ZNF507: variants seen among roughly 807,000 people sequenced by gnomAD.
The protein encoded by ZNF507 is zinc finger protein 507.
ZNF507 carries 29 observed loss-of-function variants against 80.0 expected under a neutral mutation model. That is an observed-to-expected ratio of 0.36 (90% CI 0.27 to 0.49). The LOEUF (loss-of-function observed/expected upper bound fraction) is 0.49. Among genes scored for constraint, ZNF507 ranks in the 20% least tolerant of loss-of-function variants. The pLI, the probability that ZNF507 is intolerant of heterozygous loss-of-function variation, is 0.98. For synonymous variants in ZNF507, 462 were observed against 422.5 expected, an observed-to-expected ratio of 1.09 and a Z score of -1.15; for missense variants, 1,081 against 1,152.2, an observed-to-expected ratio of 0.94 and a Z score of 0.90.
chr19:32,366,768 A>G (rs1001322840), intron 5 of ZNF507, among the ~76,000 whole-genome samples: 2 of 152,248 alleles, frequency 1.3e-5, no homozygotes, highest in African/African-American at 4.8e-5. Flanking sequence ...ATGTATATGT[A>G]TTCAGCTTTG....
chr19:32,366,468 C>T (rs963639885), intron 5 of ZNF507, among the ~76,000 whole-genome samples: 2 of 151,854 alleles, frequency 1.3e-5, no homozygotes, highest in Non-Finnish European at 2.9e-5. Flanking sequence ...TCATACAGTA[C>T]ATATTCTACT....
intron 5 of ZNF507, among the ~76,000 whole-genome samples, chr19:32,364,835 C>T (rs899595565): frequency 2.0e-5 from 3 of 152,080 alleles, no homozygotes; most frequent in Non-Finnish European, 4.4e-5. Context: ...GACTTCTTTT[C>T]CTGGGATTGC....
intron 4 of ZNF507, chr19:32,357,872 A>C (rs902330887): frequency 2.6e-5 from 4 of 152,356 alleles, no homozygotes; most frequent in Middle Eastern, 3.4e-3. Flanking sequence ...CACCACCTGC[A>C]GTTAATATCA....
intron 5 of ZNF507, among the ~76,000 whole-genome samples, chr19:32,365,563 T>C (rs1967387412): frequency 6.6e-6 from 1 of 152,170 alleles, no homozygotes; most frequent in Non-Finnish European, 1.5e-5. Flanking sequence ...AAAGTTTTAC[T>C]GAAAAGTTCC....
chr19:32,345,940 G>A (rs1287089567), intron 1 of ZNF507, among the ~76,000 whole-genome samples, 157 bp downstream of exon 1: 1 of 152,198 alleles, frequency 6.6e-6, no homozygotes, highest in East Asian at 1.9e-4. Context: ...TCCCGGTTCT[G>A]TCTTCTGTGC....
At chr19:32,378,289 G>A (rs1967577627) in intron 5 of ZNF507, among the ~76,000 whole-genome samples, 1 of 152,138 alleles carries the variant, frequency 6.6e-6, no homozygotes, top group Admixed American at 6.5e-5. Context: ...GGAGGCGGAG[G>A]TTGCAGTTTT....
intron 5 of ZNF507, among the ~76,000 whole-genome samples, chr19:32,377,806 C>T (rs1226712882): frequency 6.6e-6 from 1 of 152,140 alleles, no homozygotes; most frequent in Non-Finnish European, 1.5e-5. Flanking sequence ...CCCAGTGGTA[C>T]ACTTTGGAAA....
At position 32,345,769 on chromosome 19, in the gene ZNF507, G is replaced by C. The variant is rs902075251; in HGVS notation, c.-111G>C. 2 of 154,376 alleles carry C rather than the reference G, an allele frequency of 1.3e-5. No homozygotes were observed. The highest frequency in any genetic ancestry group is 4.8e-5 in the African/African-American group (2 of 41,478). 9.6% of individuals were successfully genotyped at this position (154,376 alleles called of 1,614,324 possible). ...AACGAGGCTCGCGGAAGCAGCAGCCGCCGCCTGACCGCAGGTACCGCGCCC... is the reference window on the plus strand; with the variant it reads ...AACGAGGCTCGCGGAAGCAGCAGCCCCCGCCTGACCGCAGGTACCGCGCCC... On this transcript the variant is annotated 5_prime_UTR_variant, in exon 1 of 7. Transcript: ENST00000355898.
rs1157271634 is a variant in ZNF507 at position 32,353,625 on chromosome 19, A to G, written c.795A>G (p.Thr265=). 1.2e-6 allele frequency: 2 copies of G among 1,614,098 alleles called. No individual in the cohort carries two copies. The highest frequency in any genetic ancestry group is 2.2e-5 in the East Asian group (1 of 44,890). ...GTGGCCAGCAGAGAATGTTGAAAACACACGCTTGGAAACATGCTGGGGAGG... is the reference window on the plus strand; with the variant it reads ...GTGGCCAGCAGAGAATGTTGAAAACGCACGCTTGGAAACATGCTGGGGAGG... The part of the protein sequence containing the change: ...YTCGQQRMLK[T]HAWKHAGEVD... The change falls in exon 3 of 7, where the codon ACA becomes ACG. Residue 265 remains threonine, a synonymous_variant. Transcript: ENST00000355898.
At chr19:32,366,629 TAAG>T (rs1222978112) in intron 5 of ZNF507, among the ~76,000 whole-genome samples, 1 of 152,254 alleles carries the variant, frequency 6.6e-6, no homozygotes, top group African/African-American at 2.4e-5. Flanking sequence ...TGAGTTATTG[TAAG>T]GTTTTCCTCC....
chr19:32,374,201 TTCTC>T (rs1429704676), intron 5 of ZNF507, among the ~76,000 whole-genome samples: 3 of 94,284 alleles, frequency 3.2e-5, no homozygotes, highest in Admixed American at 1.1e-4. Context: ...CTCTCTCTCT[TTCTC>T]TCACTCATTG....
chr19:32,352,486 T>TG (rs1665840668), intron 2 of ZNF507, among the ~76,000 whole-genome samples: 1 of 151,812 alleles, frequency 6.6e-6, no homozygotes, highest in South Asian at 2.1e-4. Context: ...TTTTTTTTTT[T>TG]TCTTGGCATT....
In ZNF507 at chr19:32,356,689, C is replaced by T; in HGVS notation, c.2201C>T (p.Pro734Leu). 6.2e-7 allele frequency: 1 copy of T among 1,614,016 alleles called. No homozygotes were observed. The change falls in exon 4 of 7, where the codon CCA becomes CTA. Residue 734 changes from proline to leucine, a missense_variant. Transcript: ENST00000355898. ...TTGTCAATAGCAACTTCTAATGAGC[C>T]AAGAATTTCCAGTGATACAGCTGAT... Reference protein sequence around the residue: ...DTLSIATSNEPRISSDTADGK... With the variant: ...DTLSIATSNELRISSDTADGK...
chr19:32,350,559 C>T (rs1340671298), intron 2 of ZNF507, among the ~76,000 whole-genome samples: 1 of 152,182 alleles, frequency 6.6e-6, no homozygotes. Context: ...TTAAGGTACA[C>T]ACTGAAATAT....
intron 5 of ZNF507, among the ~76,000 whole-genome samples, chr19:32,372,864 A>G (rs1967493346): frequency 6.6e-6 from 1 of 152,194 alleles, no homozygotes; most frequent in Admixed American, 6.5e-5. Context: ...GACCATATCT[A>G]AACTGTGGTG....
At chr19:32,380,480 A>G in intron 5 of ZNF507, 2 of 933,888 alleles carry the variant, frequency 2.1e-6, no homozygotes, top group South Asian at 2.9e-5. Context: ...ATGCTATCAC[A>G]AAGTTAAATT....
Position 32,354,909 on chromosome 19 carries a change from G to C in ZNF507, c.2079G>C (p.Lys693Asn). Residue 693 changes from lysine to asparagine, a missense_variant, in exon 3 of 7, where the codon AAG (lysine) becomes AAC (asparagine). Around this residue, in one of 6 missense-constraint regions of ZNF507, gnomAD observed 614 missense variants for 583.9 expected, o/e 1.05. Coordinates refer to ENST00000355898, the MANE Select transcript of ZNF507 (RefSeq NM_001136156.2). ...DLESHMIHHC[K>N]TRIYQCKQCE... ...AGAGTCACATGATCCACCACTGTAAGACAAGAATATACCAGTGCAAGCAGT... is the reference window on the plus strand; with the variant it reads ...AGAGTCACATGATCCACCACTGTAACACAAGAATATACCAGTGCAAGCAGT... 1 of 1,613,982 alleles carries C rather than the reference G, an allele frequency of 6.2e-7. No individual in the cohort carries two copies. Among genetic ancestry groups the C allele is most frequent in the South Asian group, 1.1e-5 (1 of 91,046 alleles).
At position 32,385,381 on chromosome 19, in the gene ZNF507, A is replaced by T. The variant is rs549307504; in HGVS notation, c.*2298A>T. 5.9e-5 allele frequency: 9 copies of T among 152,214 alleles called. No homozygotes were observed. The highest frequency in any genetic ancestry group is 1.0e-4 in the Non-Finnish European group (7 of 68,038). 9.4% of individuals were successfully genotyped at this position (152,214 alleles called of 1,614,324 possible). A position where few individuals can be genotyped will look rare whatever the true frequency, so the allele number is the denominator to read the frequency against. On this transcript the variant is annotated 3_prime_UTR_variant, in exon 7 of 7. Transcript: ENST00000355898. ...TCTCCTGGCCGATAGGAGGAAGCAT[A>T]TATCAAGGAGGTTCTTTCCCTTCCC... is the stretch of plus-strand genomic sequence containing the variant.
At position 32,386,965 on chromosome 19, in the gene ZNF507, G is replaced by C. The variant is rs192531849; in HGVS notation, c.*3882G>C. On this transcript the variant is annotated 3_prime_UTR_variant, in exon 7 of 7. Transcript: ENST00000355898. ...AAAAGCTTCCCAAGAGTTAAATGAA[G>C]GTTATGATGACTCTTGATAACTTGT... 4 of 152,338 alleles carry C rather than the reference G, an allele frequency of 2.6e-5. No individual in the cohort carries two copies. Among genetic ancestry groups the C allele is most frequent in the Non-Finnish European group, 4.4e-5 (3 of 68,028 alleles). 9.4% of individuals were successfully genotyped at this position (152,338 alleles called of 1,614,324 possible).
Sources: gnomAD v4.1 joint callset for allele counts (sites outside exome capture counted in the v4.1 genomes callset) on GRCh38, gnomAD v4.1.1 for gene constraint, gnomAD v4.1.1 regional missense constraint, MANE v1.5 for transcripts, NCBI Gene and HGNC (gene_info 2026-07-23, HGNC 2026-07-21) for gene names.